NRG1: variants seen among roughly 807,000 people sequenced by gnomAD.
NRG1 encodes neuregulin 1.
Under a neutral mutation model 63.8 loss-of-function variants are expected in NRG1, and 18 were observed. The observed-to-expected ratio is 0.28, with a 90% CI of 0.19 to 0.42. The LOEUF (loss-of-function observed/expected upper bound fraction) is 0.42, where lower values mean the gene tolerates loss of function less well. Among genes scored for constraint, NRG1 ranks in the 10% least tolerant of loss-of-function variants. The probability of loss-of-function intolerance (pLI) is 1.00; values close to 1 mark genes in which losing one functional copy is unlikely to be tolerated. For missense variants in NRG1, 762 were observed against 814.7 expected, an observed-to-expected ratio of 0.94 and a Z score of 0.79; for synonymous variants, 302 against 301.3, an observed-to-expected ratio of 1.00 and a Z score of -0.02.
chr8:31,723,194 G>T (rs1487516131), intron 1 of NRG1, among the ~76,000 whole-genome samples: 1 of 152,136 alleles, frequency 6.6e-6, no homozygotes, highest in Non-Finnish European at 1.5e-5. Context: ...ACTATGAAAA[G>T]TGATTATTGG....
chr8:31,683,384 C>G (rs1387587545), intron 1 of NRG1, among the ~76,000 whole-genome samples: 3 of 152,046 alleles, frequency 2.0e-5, no homozygotes, highest in Non-Finnish European at 4.4e-5. Context: ...AAGAAATGAG[C>G]CATCACGTCA....
intron 1 of NRG1, among the ~76,000 whole-genome samples, chr8:31,691,039 A>G (rs752835875): frequency 6.6e-6 from 1 of 152,092 alleles, no homozygotes; most frequent in Non-Finnish European, 1.5e-5. Context: ...TGAGAATGAG[A>G]CTGAGGTTGG....
intron 1 of NRG1, among the ~76,000 whole-genome samples, chr8:32,337,187 T>C (rs1803379036): frequency 6.6e-6 from 1 of 152,054 alleles, no homozygotes; most frequent in South Asian, 2.1e-4. Context: ...TGTTTTAATT[T>C]TTTTGTAGAG....
intron 5 of NRG1, among the ~76,000 whole-genome samples, chr8:32,665,934 G>A (rs900064116): frequency 7.9e-5 from 12 of 152,148 alleles, no homozygotes; most frequent in Non-Finnish European, 1.2e-4. Context: ...AATATAATTA[G>A]TGAGTATGCT....
Position 31,640,203 on chromosome 8 carries a change from G to A in NRG1, c.37+772G>A, listed in dbSNP as rs1803603094. 1 of 1,172,510 alleles carries A rather than the reference G, an allele frequency of 8.5e-7. No individual in the cohort carries two copies. Among genetic ancestry groups the A allele is most frequent in the African/African-American group, 1.6e-5 (1 of 61,662 alleles). 72.6% of individuals were successfully genotyped at this position (1,172,510 alleles called of 1,614,324 possible). A position where few individuals can be genotyped will look rare whatever the true frequency, so the allele number is the denominator to read the frequency against. ...CCCCGCCCAGCGTGGGATCGGTGCA[G>A]GAGCTAGCTCAGCGCGCCGCGGTGG... On this transcript the variant is annotated intron_variant, in intron 1 of 10. Transcript: ENST00000519301. The surrounding 1 kb of genome is among the most constrained non-coding windows in gnomAD (Gnocchi z 6.3).
intron 5 of NRG1, among the ~76,000 whole-genome samples, chr8:32,655,329 G>A (rs1801229645): frequency 6.6e-6 from 1 of 152,162 alleles, no homozygotes; most frequent in African/African-American, 2.4e-5. Flanking sequence ...TCAAATACCA[G>A]CTCTACCTCT....
At chr8:32,405,902 C>T (rs1430628395) in intron 1 of NRG1, among the ~76,000 whole-genome samples, 1 of 152,090 alleles carries the variant, frequency 6.6e-6, no homozygotes, top group Non-Finnish European at 1.5e-5. Flanking sequence ...GAACAAATAT[C>T]CTCACTAATT....
chr8:31,735,310 AG>A (rs1814551176), intron 1 of NRG1, among the ~76,000 whole-genome samples: 1 of 152,166 alleles, frequency 6.6e-6, no homozygotes, highest in Non-Finnish European at 1.5e-5. Flanking sequence ...GATTTATTTA[AG>A]GGCCATATTT....
intron 1 of NRG1, among the ~76,000 whole-genome samples, chr8:32,068,947 C>T (rs1196620253): frequency 1.3e-5 from 2 of 152,134 alleles, no homozygotes; most frequent in Admixed American, 6.5e-5. Context: ...GTGAAGAAGG[C>T]ATGTGTGGAA....
At chr8:31,776,104 T>C (rs1042044335) in intron 1 of NRG1, among the ~76,000 whole-genome samples, 1 of 152,248 alleles carries the variant, frequency 6.6e-6, no homozygotes, top group African/African-American at 2.4e-5. Flanking sequence ...GAGCACTGAC[T>C]GTAAAGTGCA....
chr8:32,063,153 T>C (rs1318778029), intron 1 of NRG1: 2 of 152,138 alleles, frequency 1.3e-5, no homozygotes, highest in African/African-American at 4.8e-5. Flanking sequence ...TCTAAGTTGA[T>C]TATCAAGCTT....
intron 1 of NRG1, among the ~76,000 whole-genome samples, chr8:31,909,800 A>G (rs545431753): frequency 1.4e-4 from 21 of 152,274 alleles, no homozygotes; most frequent in African/African-American, 5.1e-4. Context: ...ATGTGGGAGA[A>G]TCCCTGACAG....
intron 1 of NRG1, among the ~76,000 whole-genome samples, chr8:32,098,093 C>T (rs556455649): frequency 3.4e-4 from 52 of 151,974 alleles, no homozygotes; most frequent in African/African-American, 1.3e-3. Context: ...AGAAAGAAAC[C>T]AACAAAGACA....
intron 1 of NRG1, among the ~76,000 whole-genome samples, chr8:32,265,795 A>T (rs1850868539): frequency 6.6e-6 from 1 of 152,108 alleles, no homozygotes; most frequent in Admixed American, 6.6e-5. Context: ...GTGAGCCATG[A>T]TTGCACCGCT....
intron 1 of NRG1, among the ~76,000 whole-genome samples, chr8:31,930,620 G>A (rs1834780520): frequency 6.6e-6 from 1 of 152,086 alleles, no homozygotes; most frequent in Admixed American, 6.5e-5. Flanking sequence ...GTTAGTTGAG[G>A]GGAAAAGGTT....
chr8:31,767,275 C>G (rs934442943), intron 1 of NRG1, among the ~76,000 whole-genome samples: 2 of 152,194 alleles, frequency 1.3e-5, no homozygotes, highest in African/African-American at 4.8e-5. Flanking sequence ...CTGGCACAAA[C>G]TGCAGATACT....
chr8:31,754,009 A>T lies in NRG1; in HGVS notation c.37+114578A>T, dbSNP rs1816729806. 2.0e-5 allele frequency among the ~76,000 whole-genome samples: 3 copies of T among 152,144 alleles called. No homozygotes were observed. In the South Asian group the frequency reaches 6.2e-4, roughly 31 times the overall value. Reference sequence around the variant, plus strand: ...GTTTCTAACAACTTAAAGATGTTAAAGTATGTTGTTCACATCTGCCTCAAT... The same window carrying T: ...GTTTCTAACAACTTAAAGATGTTAATGTATGTTGTTCACATCTGCCTCAAT... On this transcript the variant is annotated intron_variant, in intron 1 of 10. Coordinates refer to the NRG1 transcript ENST00000519301.
At chr8:32,106,426 T>C (rs1330103019) in intron 1 of NRG1, among the ~76,000 whole-genome samples, 1 of 152,208 alleles carries the variant, frequency 6.6e-6, no homozygotes, top group Non-Finnish European at 1.5e-5. Flanking sequence ...TCAGGTAGCA[T>C]AGAGGCAAGT....
chr8:32,230,527 G>T (rs1001860066), intron 1 of NRG1, among the ~76,000 whole-genome samples: 4 of 152,054 alleles, frequency 2.6e-5, no homozygotes, highest in African/African-American at 9.7e-5. Flanking sequence ...TAATCCTGAG[G>T]AAAGTGGAAA....
Sources: gnomAD v4.1 joint callset for allele counts (sites outside exome capture counted in the v4.1 genomes callset) on GRCh38, gnomAD v4.1.1 for gene constraint, Gnocchi (gnomAD v3.1) non-coding constraint, MANE v1.5 for transcripts, NCBI Gene and HGNC (gene_info 2026-07-23, HGNC 2026-07-21) for gene names.